Variants in ZFHX3 observed in about 807,000 individuals in gnomAD.
ZFHX3 encodes the protein zinc finger homeobox 3.
In ZFHX3, 42 loss-of-function variants were observed where a neutral mutation model predicts 279.1. The observed-to-expected ratio is 0.15, with a 90% CI of 0.12 to 0.19. ZFHX3 has a LOEUF of 0.19. Ranked by LOEUF, ZFHX3 falls within the 10% of genes least tolerant of loss-of-function variation. The pLI, the probability that ZFHX3 is intolerant of heterozygous loss-of-function variation, is 1.00. For synonymous variants in ZFHX3, 2,293 were observed against 1,957.8 expected, an observed-to-expected ratio of 1.17 and a Z score of -4.52; for missense variants, 4,981 against 4,754.0, an observed-to-expected ratio of 1.05 and a Z score of -1.40.
chr16:72,957,582 G>A lies in ZFHX3; in HGVS notation c.2564C>T (p.Ser855Leu). ...NRHLGLGSLPSPAEAELYQYY... is the reference protein window; with the variant it reads ...NRHLGLGSLPLPAEAELYQYY... Reference sequence around the variant, plus strand: ...TTGGTAGAGCTCGGCCTCGGCGGGTGAGGGCAGGCTGCCGAGGCCCAGGTG... The same window carrying A: ...TTGGTAGAGCTCGGCCTCGGCGGGTAAGGGCAGGCTGCCGAGGCCCAGGTG... Residue 855 changes from serine (S) to leucine (L), a missense_variant, in exon 2 of 10, where the codon TCA becomes TTA. By Grantham distance (145) the Ser-to-Leu change is moderately radical (BLOSUM62 -2). Transcript: ENST00000268489. 1 of 1,613,800 alleles carries A rather than the reference G, an allele frequency of 6.2e-7. No homozygotes were observed. Among genetic ancestry groups the A allele is most frequent in the South Asian group, 1.1e-5 (1 of 91,086 alleles).
chr16:72,994,233 G>C (rs922293479), intron 1 of ZFHX3, among the ~76,000 whole-genome samples: 1 of 152,150 alleles, frequency 6.6e-6, no homozygotes, highest in Non-Finnish European at 1.5e-5. Context: ...TATTATTTTA[G>C]AATTCTTTAT....
chr16:73,310,507 C>T (rs571404182), intron 4 of ZFHX3, among the ~76,000 whole-genome samples: 33 of 152,162 alleles, frequency 2.2e-4, no homozygotes, highest in Middle Eastern at 6.8e-3. Flanking sequence ...GCAATTTTAC[C>T]CCCAGGGAAA....
chr16:73,888,497 A>C (rs755254940), intron 1 of ZFHX3, among the ~76,000 whole-genome samples: 3 of 152,214 alleles, frequency 2.0e-5, no homozygotes, highest in Non-Finnish European at 4.4e-5. Context: ...TCAAGGAGAA[A>C]AGGTAAATAG....
chr16:73,759,190 C>T (rs766224318), intron 1 of ZFHX3, among the ~76,000 whole-genome samples: 7 of 152,136 alleles, frequency 4.6e-5, no homozygotes, highest in Non-Finnish European at 8.8e-5. Flanking sequence ...GTGTAGTGGC[C>T]GCATATTTTT....
At chr16:73,099,211 T>C (rs979419695) in intron 7 of ZFHX3, 4 of 152,244 alleles carry the variant, frequency 2.6e-5, no homozygotes, top group African/African-American at 9.6e-5. Context: ...TTCTGAGAGC[T>C]ACACTGTCAA....
intron 1 of ZFHX3, among the ~76,000 whole-genome samples, chr16:73,706,297 C>T (rs1182999589): frequency 6.6e-6 from 1 of 151,798 alleles, no homozygotes; most frequent in Non-Finnish European, 1.5e-5. Flanking sequence ...CCCATCTCTC[C>T]TAAAGATACA....
intron 7 of ZFHX3, among the ~76,000 whole-genome samples, chr16:73,112,422 T>C (rs115938780): frequency 6.6e-6 from 1 of 151,782 alleles, no homozygotes; most frequent in African/African-American, 2.4e-5. Flanking sequence ...TTTAAAAAAA[T>C]TTTAAAAAGG....
chr16:73,508,096 C>A (rs1018268919), intron 2 of ZFHX3, among the ~76,000 whole-genome samples: 1 of 152,126 alleles, frequency 6.6e-6, no homozygotes, highest in Admixed American at 6.5e-5. Context: ...TTGCAATCTG[C>A]GTGGCACTCC....
chr16:73,222,665 T>A (rs558536979), intron 5 of ZFHX3, among the ~76,000 whole-genome samples: 1 of 152,246 alleles, frequency 6.6e-6, no homozygotes, highest in Non-Finnish European at 1.5e-5. Flanking sequence ...ATAGATTCAG[T>A]GTAGTCTCAA....
intron 1 of ZFHX3, among the ~76,000 whole-genome samples, chr16:73,859,708 C>G (rs552015831): frequency 2.0e-5 from 3 of 152,078 alleles, no homozygotes; most frequent in African/African-American, 7.3e-5. Context: ...AAAGGAGAAA[C>G]GTTCTCTTTT....
At chr16:73,313,928 G>T (rs2015387134) in intron 4 of ZFHX3, among the ~76,000 whole-genome samples, 1 of 152,186 alleles carries the variant, frequency 6.6e-6, no homozygotes, top group East Asian at 1.9e-4. Flanking sequence ...GGTAACGTGG[G>T]GAAACCCCAT....
chr16:73,182,853 C>G (rs1282870726), intron 5 of ZFHX3, among the ~76,000 whole-genome samples: 1 of 134,710 alleles, frequency 7.4e-6, no homozygotes, highest in East Asian at 2.2e-4. Context: ...CATGGACATA[C>G]AGATTACAAT....
chr16:73,161,711 A>T (rs1202116789), intron 5 of ZFHX3, among the ~76,000 whole-genome samples: 2 of 152,198 alleles, frequency 1.3e-5, no homozygotes, highest in Non-Finnish European at 2.9e-5. Flanking sequence ...AAGGCCCAGG[A>T]ATCTGCACGG....
chr16:72,990,110 G>A (rs1424568726), intron 1 of ZFHX3, among the ~76,000 whole-genome samples: 1 of 152,100 alleles, frequency 6.6e-6, no homozygotes, highest in Non-Finnish European at 1.5e-5. Flanking sequence ...CTAAGTCCTG[G>A]CTGATTTCTG....
chr16:73,054,823 C>T (rs1965516176), intron 1 of ZFHX3, among the ~76,000 whole-genome samples: 1 of 152,128 alleles, frequency 6.6e-6, no homozygotes, highest in Non-Finnish European at 1.5e-5. Context: ...TCTATAACCA[C>T]TGCAATGATT....
intron 1 of ZFHX3, among the ~76,000 whole-genome samples, chr16:73,837,117 AAAGATGGAGTC>A (rs994074141): frequency 6.6e-6 from 1 of 152,244 alleles, no homozygotes. Context: ...AGAGTAAGAC[AAAGATGGAGTC>A]AAGATGGAGC....
intron 2 of ZFHX3, among the ~76,000 whole-genome samples, chr16:73,600,827 T>G (rs188501389): frequency 6.6e-6 from 1 of 151,976 alleles, no homozygotes; most frequent in Non-Finnish European, 1.5e-5. Flanking sequence ...TCCAGAAGAG[T>G]AGGCACATAC....
intron 1 of ZFHX3, among the ~76,000 whole-genome samples, chr16:73,797,207 A>AAAAC (rs138037268): frequency 0.41 from 60,881 of 148,730 alleles, 12,579 homozygotes; most frequent in African/African-American, 0.53. Context: ...CTATCTCAAA[A>AAAAC]AAACAAACAA....
intron 4 of ZFHX3, among the ~76,000 whole-genome samples, chr16:73,275,021 G>A (rs1312332205): frequency 6.6e-6 from 1 of 152,122 alleles, no homozygotes; most frequent in African/African-American, 2.4e-5. Flanking sequence ...TTAGCCTCTG[G>A]ATTCAAGCAC....
Sources: allele counts gnomAD v4.1 joint callset (sites outside exome capture counted in the v4.1 genomes callset), GRCh38; gene constraint gnomAD v4.1.1; transcripts MANE v1.5; gene names NCBI Gene and HGNC (gene_info 2026-07-23, HGNC 2026-07-21).